Variants in TAS2R1 observed in about 807,000 individuals in gnomAD.
TAS2R1 encodes the protein taste receptor type 2 member 1.
For missense variants in TAS2R1, 370 were observed against 353.4 expected (o/e 1.05, Z -0.38); for synonymous variants, 141 against 134.2 (o/e 1.05, Z -0.35).
At chr5:9,772,098 G>A in the TAS2R1 span, among the ~76,000 whole-genome samples, 1 of 151,876 alleles carries the variant, frequency 6.6e-6, no homozygotes, top group African/African-American at 2.4e-5. Flanking sequence ...CCATTAGGTT[G>A]TTTATTCGAA....
At chr5:9,852,685 T>G in the TAS2R1 span, among the ~76,000 whole-genome samples, 3 of 152,212 alleles carry the variant, frequency 2.0e-5, no homozygotes, top group African/African-American at 7.2e-5. Context: ...ATAAATCCTC[T>G]TTAAAATGAG....
At chr5:9,633,446 T>G, upstream of TAS2R1, among the ~76,000 whole-genome samples, 1 of 151,534 alleles carries the variant, frequency 6.6e-6, no homozygotes, top group East Asian at 1.9e-4. Flanking sequence ...TGACTTCTTT[T>G]CCTCTGGGTA....
At chr5:9,686,875 G>A in intron 1 of TAS2R1, among the ~76,000 whole-genome samples, 1 of 152,266 alleles carries the variant, frequency 6.6e-6, no homozygotes, top group East Asian at 1.9e-4. Context: ...TTATCATACA[G>A]AAAATGACTA....
the TAS2R1 span, among the ~76,000 whole-genome samples, chr5:9,877,641 G>A: frequency 1.3e-5 from 2 of 152,218 alleles, no homozygotes; most frequent in Non-Finnish European, 2.9e-5. Context: ...CCATATCAGA[G>A]TATTAAGTGC....
Position 9,689,420 on chromosome 5 carries a change from G to T in TAS2R1, c.-242+22752C>A, listed in dbSNP as rs545012411. 1.2e-4 allele frequency among the ~76,000 whole-genome samples: 19 copies of T among 152,258 alleles called. No individual in the cohort carries two copies. The South Asian group carries it at 2.3e-3, about 18-fold the overall frequency. On this transcript the variant is annotated intron_variant, in intron 1 of 2. Transcript: ENST00000506620. ...AGACCTACTAAATTAGAAACCCTGAGAGGGTTTAAAAATAAGCCACCCAGG... is the reference window on the plus strand; with the variant it reads ...AGACCTACTAAATTAGAAACCCTGATAGGGTTTAAAAATAAGCCACCCAGG...
the TAS2R1 span, among the ~76,000 whole-genome samples, chr5:9,824,514 T>A: frequency 6.6e-6 from 1 of 152,162 alleles, no homozygotes; most frequent in African/African-American, 2.4e-5. Flanking sequence ...AATGTTAAGC[T>A]TTTCTAACAG....
chr5:9,790,777 C>T, the TAS2R1 span, among the ~76,000 whole-genome samples: 4 of 152,078 alleles, frequency 2.6e-5, no homozygotes, highest in Non-Finnish European at 5.9e-5. Context: ...TACAGTCACT[C>T]GCTACCACGC....
chr5:9,635,953 T>A (rs185587740), intron 2 of TAS2R1, among the ~76,000 whole-genome samples: 333 of 152,166 alleles, frequency 2.2e-3, no homozygotes, highest in African/African-American at 7.6e-3. Flanking sequence ...CTCTGATATT[T>A]GTTATTTCTT....
chr5:9,731,467 G>A, the TAS2R1 span, among the ~76,000 whole-genome samples: 15,715 of 152,050 alleles, frequency 0.1, 1,008 homozygotes, highest in Middle Eastern at 0.16. Flanking sequence ...CCCACCCAGC[G>A]GCTTCCTCAC....
At chr5:9,896,762 G>A in the TAS2R1 span, among the ~76,000 whole-genome samples, 1 of 152,132 alleles carries the variant, frequency 6.6e-6, no homozygotes, top group South Asian at 2.1e-4. Context: ...GCAAGGCAAG[G>A]ACCTCATTTG....
the TAS2R1 span, among the ~76,000 whole-genome samples, chr5:9,850,334 C>T: frequency 1.3e-5 from 2 of 152,232 alleles, no homozygotes; most frequent in Non-Finnish European, 2.9e-5. Flanking sequence ...TATCCCAAAG[C>T]ACAGAACACA....
chr5:9,865,074 T>C, the TAS2R1 span, among the ~76,000 whole-genome samples: 1 of 152,132 alleles, frequency 6.6e-6, no homozygotes, highest in African/African-American at 2.4e-5. Context: ...GGACCAGAGA[T>C]AAGTGATTAT....
the TAS2R1 span, among the ~76,000 whole-genome samples, chr5:9,805,916 G>T: frequency 6.6e-6 from 1 of 152,030 alleles, no homozygotes; most frequent in Non-Finnish European, 1.5e-5. Context: ...ATAAGAGAAA[G>T]AAATTAAGGA....
chr5:9,675,090 A>T (rs1740846247), intron 1 of TAS2R1, among the ~76,000 whole-genome samples: 1 of 145,994 alleles, frequency 6.8e-6, no homozygotes, highest in Non-Finnish European at 1.5e-5. Flanking sequence ...TTATAATAAC[A>T]CCCCAAAATG....
upstream of TAS2R1, among the ~76,000 whole-genome samples, chr5:9,633,317 T>TATATAC (rs1224990396): frequency 8.7e-5 from 12 of 138,146 alleles, 1 homozygote; most frequent in African/African-American, 3.2e-4. Flanking sequence ...TATATATATA[T>TATATAC]ATACACAAAT....
At chr5:9,878,086 T>C in the TAS2R1 span, among the ~76,000 whole-genome samples, 1 of 152,174 alleles carries the variant, frequency 6.6e-6, no homozygotes, top group Non-Finnish European at 1.5e-5. Flanking sequence ...TTTTGACTGC[T>C]ATGTGTGGAG....
the TAS2R1 span, among the ~76,000 whole-genome samples, chr5:9,890,997 C>T: frequency 9.9e-5 from 15 of 152,176 alleles, no homozygotes; most frequent in African/African-American, 3.4e-4. Flanking sequence ...GTCTGGAGAC[C>T]TCGGTAGGTG....
At chr5:9,742,607 C>A in the TAS2R1 span, among the ~76,000 whole-genome samples, 1 of 152,096 alleles carries the variant, frequency 6.6e-6, no homozygotes, top group African/African-American at 2.4e-5. Flanking sequence ...GAAAAACAAT[C>A]CAAGGTTTAG....
the TAS2R1 span, among the ~76,000 whole-genome samples, chr5:9,788,518 C>T: frequency 1.3e-5 from 2 of 152,070 alleles, no homozygotes; most frequent in African/African-American, 4.8e-5. Context: ...CCCGTGAGAG[C>T]TAATTCCTAG....
Sources: gnomAD v4.1 joint callset for allele counts (sites outside exome capture counted in the v4.1 genomes callset) on GRCh38, gnomAD v4.1.1 for gene constraint, MANE v1.5 for transcripts, NCBI Gene and HGNC (gene_info 2026-07-23, HGNC 2026-07-21) for gene names.